The following AHI1 variants were observed in gnomAD, a reference collection of about 807,000 sequenced individuals.
The protein encoded by AHI1 is jouberin.
AHI1 carries 123 observed loss-of-function variants against 149.3 expected under a neutral mutation model. That is an observed-to-expected ratio of 0.82 (90% CI 0.71 to 0.96). The LOEUF (loss-of-function observed/expected upper bound fraction) is 0.96. Among genes scored for constraint, AHI1 ranks in the 40% least tolerant of loss-of-function variants. The pLI is 0.00. For missense variants in AHI1, 1,439 were observed against 1,422.7 expected (o/e 1.01, Z -0.18); for synonymous variants, 475 against 459.8 (o/e 1.03, Z -0.42).
intron 17 of AHI1, among the ~76,000 whole-genome samples, chr6:135,430,707 A>G (rs942819549): frequency 6.6e-6 from 1 of 151,994 alleles, no homozygotes; most frequent in African/African-American, 2.4e-5. Context: ...CCCCCAAATG[A>G]AAGAACTTAT....
intron 24 of AHI1, among the ~76,000 whole-genome samples, chr6:135,347,515 C>T (rs774111614): frequency 5.9e-5 from 9 of 152,084 alleles, no homozygotes; most frequent in African/African-American, 2.2e-4. Context: ...TTCTAGAAGA[C>T]GCTTGAAGAC....
intron 22 of AHI1, among the ~76,000 whole-genome samples, chr6:135,398,855 C>T (rs553780678): frequency 6.6e-6 from 1 of 152,104 alleles, no homozygotes; most frequent in Admixed American, 6.6e-5. Flanking sequence ...ATTCATCCCT[C>T]AGTCCCCTTA....
chr6:135,392,262 G>A (rs1778615258), intron 23 of AHI1, among the ~76,000 whole-genome samples: 1 of 152,140 alleles, frequency 6.6e-6, no homozygotes, highest in Non-Finnish European at 1.5e-5. Context: ...ATTTTAGAAT[G>A]AATAAATGAA....
At chr6:135,301,099 T>C (rs1783823560) in intron 26 of AHI1, 1 of 985,290 alleles carries the variant, frequency 1.0e-6, no homozygotes, top group Non-Finnish European at 1.2e-6. Context: ...AATTTTACCC[T>C]GAGCATCGGA....
chr6:135,438,773 A>T (rs1358347270), intron 14 of AHI1, among the ~76,000 whole-genome samples: 1 of 152,154 alleles, frequency 6.6e-6, no homozygotes, highest in African/African-American at 2.4e-5. Flanking sequence ...ATCTTTAATA[A>T]TAAATTTATA....
In AHI1 at chr6:135,301,290, T is replaced by G. The variant is rs543735578; in HGVS notation, c.3427-732A>C. On this transcript the variant is annotated intron_variant, in intron 26 of 28. Transcript: ENST00000265602. ...TAACACTCACAAAGAAAATATAAAT[T>G]GTTACTATGTTTAAGTTCAATAATA... 5 of 977,506 alleles carry G rather than the reference T, an allele frequency of 5.1e-6. No homozygotes were observed. The South Asian group carries it at 2.4e-4, about 46-fold the overall frequency. 60.6% of individuals were successfully genotyped at this position (977,506 alleles called of 1,614,324 possible).
chr6:135,472,594 T>C (rs943009704), intron 5 of AHI1, among the ~76,000 whole-genome samples: 15 of 152,232 alleles, frequency 9.9e-5, no homozygotes, highest in Admixed American at 3.3e-4. Flanking sequence ...GGCTGTACTA[T>C]TTCGCATTTT....
Position 135,305,974 on chromosome 6 carries a change from C to G in AHI1, c.3427-5416G>C, listed in dbSNP as rs114888342. On this transcript the variant is annotated intron_variant, in intron 26 of 28. Coordinates refer to ENST00000265602, the MANE Select transcript of AHI1 (RefSeq NM_001134831.2). ...TAAAACCTAATTCATCCACTTCTCA[C>G]CACATGGTCTCATAGTTTCCCTTCA... Among the ~76,000 whole-genome samples, 1,348 of 152,310 alleles carry G rather than the reference C, an allele frequency of 8.9e-3. 23 individuals carry two copies. Among genetic ancestry groups the G allele is most frequent in the African/African-American group, 0.031 (1,285 of 41,554 alleles).
chr6:135,490,866 T>C (rs557586091), intron 4 of AHI1, 119 bp from the exon 5 acceptor site: 133 of 1,213,614 alleles, frequency 1.1e-4, no homozygotes, highest in Non-Finnish European at 1.4e-4. Context: ...CTAGCTACAT[T>C]AGAAAAACTC....
chr6:135,463,001 A>G (rs1790161164), intron 8 of AHI1, 124 bp downstream of exon 8: 3 of 699,800 alleles, frequency 4.3e-6, no homozygotes, highest in Admixed American at 3.1e-5. Context: ...TTCAAGAACA[A>G]GTACCAAATA....
chr6:135,463,887 G>A (rs761291454), intron 7 of AHI1, among the ~76,000 whole-genome samples: 10 of 152,022 alleles, frequency 6.6e-5, no homozygotes, highest in Admixed American at 2.0e-4. Flanking sequence ...AAATAGCTGA[G>A]ACTACAGGCA....
intron 23 of AHI1, among the ~76,000 whole-genome samples, chr6:135,371,485 TTTG>T (rs1393862093): frequency 1.3e-5 from 2 of 152,210 alleles, no homozygotes; most frequent in African/African-American, 2.4e-5. Context: ...GCTGAGTGCC[TTTG>T]TTATCATTAA....
At chr6:135,450,483 C>T (rs1055581563) in intron 11 of AHI1, among the ~76,000 whole-genome samples, 3 of 151,970 alleles carry the variant, frequency 2.0e-5, no homozygotes, top group South Asian at 4.1e-4. Context: ...ATAAGCTGAG[C>T]GGGTGACATT....
intron 24 of AHI1, among the ~76,000 whole-genome samples, chr6:135,323,773 G>C (rs1787233546): frequency 6.6e-6 from 1 of 152,028 alleles, no homozygotes; most frequent in Non-Finnish European, 1.5e-5. Context: ...TGTATTGCTT[G>C]GTTTACTGTT....
Position 135,318,602 on chromosome 6 carries a change from G to A in AHI1, c.3343C>T (p.Leu1115=). ...HVASETLYQE[L]PPEIKERSPP... Reference sequence around the variant, plus strand: ...GATCGCTCCTTTATCTCAGGAGGCAGTTCTTGATACAGTGCTGAAATTGGA... The same window carrying A: ...GATCGCTCCTTTATCTCAGGAGGCAATTCTTGATACAGTGCTGAAATTGGA... The change falls in exon 26 of 29, where the codon CTG becomes TTG. Residue 1115 remains leucine (L), a synonymous_variant. Coordinates refer to ENST00000265602, the MANE Select transcript of AHI1 (RefSeq NM_001134831.2). The A allele has an allele frequency of 6.2e-7, 1 of 1,602,736 alleles. No homozygotes were observed. The highest frequency in any genetic ancestry group is 8.5e-7 in the Non-Finnish European group (1 of 1,174,350).
chr6:135,361,653 A>T (rs1213043428), intron 23 of AHI1, among the ~76,000 whole-genome samples: 70 of 89,394 alleles, frequency 7.8e-4, no homozygotes, highest in African/African-American at 1.3e-3. Context: ...TTTCACACAC[A>T]CACACACACA....
At chr6:135,477,911 C>T (rs1242329276) in intron 5 of AHI1, among the ~76,000 whole-genome samples, 1 of 152,178 alleles carries the variant, frequency 6.6e-6, no homozygotes, top group Non-Finnish European at 1.5e-5. Context: ...TGTTCTCCTG[C>T]CTCAGCCTCC....
intron 24 of AHI1, among the ~76,000 whole-genome samples, chr6:135,326,229 G>A (rs1276590729): frequency 6.6e-6 from 1 of 152,152 alleles, no homozygotes; most frequent in Non-Finnish European, 1.5e-5. Context: ...GGCCTTTACG[G>A]AGGTAATTCA....
In AHI1 at chr6:135,323,387, A is replaced by T. The variant is rs1018124181; in HGVS notation, c.3166-63T>A. The T allele has an allele frequency of 1.3e-5, 20 of 1,530,912 alleles. No individual in the cohort carries two copies. The Admixed American group carries it at 3.6e-4, about 27-fold the overall frequency. 94.8% of individuals were successfully genotyped at this position (1,530,912 alleles called of 1,614,324 possible). On this transcript the variant is annotated intron_variant, in intron 24 of 28. Transcript: ENST00000265602. ...CTGTACCACAGAGAAAACCCCCAAC[A>T]TTCACTTCCTCTTGCAGAAGAGCAG...
Sources: allele counts gnomAD v4.1 joint callset (sites outside exome capture counted in the v4.1 genomes callset), GRCh38; gene constraint gnomAD v4.1.1; transcripts MANE v1.5; gene names NCBI Gene and HGNC (gene_info 2026-07-23, HGNC 2026-07-21).